GTF2IRD1: variants seen among roughly 807,000 people sequenced by gnomAD.
The protein encoded by GTF2IRD1 is general transcription factor II-I repeat domain-containing protein 1.
GTF2IRD1 carries 26 observed loss-of-function variants against 113.2 expected under a neutral mutation model. That is an observed-to-expected ratio of 0.23 (90% confidence interval 0.17 to 0.32). The LOEUF is 0.32. Ranked by LOEUF, GTF2IRD1 falls within the 10% of genes least tolerant of loss-of-function variation. The probability of loss-of-function intolerance (pLI) is 1.00; values close to 1 mark genes in which losing one functional copy is unlikely to be tolerated. For synonymous variants in GTF2IRD1, 484 were observed against 529.1 expected (o/e 0.91, Z 1.17); for missense variants, 864 against 1,280.8 (o/e 0.67, Z 4.97).
chr7:74,593,196 C>A (rs1273210621), intron 24 of GTF2IRD1, among the ~76,000 whole-genome samples: 1 of 147,986 alleles, frequency 6.8e-6, no homozygotes, highest in Non-Finnish European at 1.5e-5. Flanking sequence ...TTGCGTGTGT[C>A]AAAAAAAAAC....
At position 74,536,212 on chromosome 7, in the gene GTF2IRD1, C is replaced by A. The variant is rs782532731; in HGVS notation, c.1346C>A (p.Pro449Gln). ...ACCACGAAGCTGGAGCCAGCCAGCC[C>A]GCCAGAGGACACCTCTGCAGAGGTC... ...KDTTKLEPASPPEDTSAEVSR... is the reference protein window; with the variant it reads ...KDTTKLEPASQPEDTSAEVSR... The change falls in exon 11 of 27, where the codon CCG becomes CAG. Residue 449 changes from proline to glutamine, a missense_variant. This residue lies in a region of GTF2IRD1 where 218 missense variants were observed against 352.6 expected (regional missense o/e 0.62). Coordinates refer to ENST00000424337, the MANE Select transcript of GTF2IRD1 (RefSeq NM_005685.4). The A allele has an allele frequency of 4.3e-6, 7 of 1,613,748 alleles. No individual in the cohort carries two copies. In the Admixed American group the frequency reaches 1.2e-4, roughly 27 times the overall value.
chr7:74,524,071 A>C lies in GTF2IRD1; in HGVS notation c.1007A>C (p.Glu336Ala). 1.2e-6 allele frequency: 2 copies of C among 1,608,608 alleles called. No individual in the cohort carries two copies. The highest frequency in any genetic ancestry group is 2.7e-5 in the African/African-American group (2 of 74,902). Residue 336 changes from glutamate to alanine, a missense_variant and splice_region_variant, in exon 8 of 27, where the codon GAG (glutamate) becomes GCG (alanine). Glu to Ala is a moderately radical substitution (Grantham distance 107). Coordinates refer to ENST00000424337, the MANE Select transcript of GTF2IRD1 (RefSeq NM_005685.4). ...ACTTGTGCCTCCTGTGTTTTGATAG[A>C]GAAGTGGGACGCCTTCATAAAGGAA... Reference protein sequence around the residue: ...ILFSIVHDKSEKWDAFIKETE... With the variant: ...ILFSIVHDKSAKWDAFIKETE...
intron 25 of GTF2IRD1, among the ~76,000 whole-genome samples, chr7:74,600,664 T>G (rs1044795580): frequency 1.3e-5 from 2 of 152,020 alleles, no homozygotes; most frequent in Admixed American, 1.3e-4. Flanking sequence ...TGAGCCAAGA[T>G]CGCGCCACTG....
At chr7:74,473,752 A>G (rs1222731655) in intron 1 of GTF2IRD1, among the ~76,000 whole-genome samples, 1 of 151,958 alleles carries the variant, frequency 6.6e-6, no homozygotes, top group African/African-American at 2.4e-5. Context: ...CCCACCCACC[A>G]TCCTGGACAG....
rs529723061 is a variant in GTF2IRD1 at position 74,513,066 on chromosome 7, G to T, written c.265+95G>T. On this transcript the variant is annotated intron_variant, in intron 3 of 26. Transcript: ENST00000424337. ...GGGTCCCCAACCCTGTCTAGCCAGG[G>T]TGGCGGTGTGTGGGGAGTGAACCTA... 10 of 1,205,420 alleles carry T rather than the reference G, an allele frequency of 8.3e-6. No homozygotes were observed. The highest frequency in any genetic ancestry group is 4.0e-5 in the Admixed American group (2 of 49,586). The allele number at this position is 1,205,420 out of a possible 1,614,324, so 74.7% of individuals were successfully genotyped here.
In GTF2IRD1 at chr7:74,562,653, C is replaced by T. The variant is rs1473391329; in HGVS notation, c.2320+2998C>T. On this transcript the variant is annotated intron_variant, in intron 22 of 26. Coordinates refer to ENST00000424337, the MANE Select transcript of GTF2IRD1 (RefSeq NM_005685.4). ...TGTGATCCTGGTTCACTGTAACCTC[C>T]GCCTCCCAGGTTCAAATGATTCTCC... is the stretch of plus-strand genomic sequence containing the variant. Among the ~76,000 whole-genome samples the T allele has an allele frequency of 4.1e-5, 6 of 145,166 alleles. No homozygotes were observed. In the East Asian group the frequency reaches 6.1e-4, roughly 15 times the overall value.
At chr7:74,547,331 A>T in intron 17 of GTF2IRD1, 45 bp downstream of exon 17, 4 of 1,464,054 alleles carry the variant, frequency 2.7e-6, no homozygotes, top group African/African-American at 1.4e-5. Flanking sequence ...GGCCCTGCTC[A>T]GCACCAAGGG....
intron 19 of GTF2IRD1, among the ~76,000 whole-genome samples, chr7:74,556,029 C>T (rs1799571792): frequency 1.3e-5 from 2 of 152,080 alleles, no homozygotes; most frequent in Admixed American, 6.6e-5. Context: ...GCAGGTGGAT[C>T]ACTTGAGGCC....
At chr7:74,454,259 CGG>C (rs553988465) in intron 1 of GTF2IRD1, 83 bp downstream of exon 1, 45,234 of 133,896 alleles carry the variant, frequency 0.34, 8,048 homozygotes, top group Middle Eastern at 0.45. Context: ...CCTCCGCCTC[CGG>C]GGGGGGGGGT....
intron 22 of GTF2IRD1, among the ~76,000 whole-genome samples, chr7:74,578,724 G>A (rs1417713728): frequency 6.6e-6 from 1 of 152,118 alleles, no homozygotes; most frequent in African/African-American, 2.4e-5. Flanking sequence ...AGCCGGGCAC[G>A]ATGGCTCATG....
rs1554343243 is a variant in GTF2IRD1 at position 74,512,539 on chromosome 7, A to C, written c.124-291A>C. Among the ~76,000 whole-genome samples, 2 of 152,104 alleles carry C rather than the reference A, an allele frequency of 1.3e-5. No homozygotes were observed. Among genetic ancestry groups the C allele is most frequent in the African/African-American group, 2.4e-5 (1 of 41,426 alleles). On this transcript the variant is annotated intron_variant, in intron 2 of 26. Transcript: ENST00000424337. This position sits in a 1 kb window ranked among gnomAD's most constrained non-coding sequence, Gnocchi z 4.4. Reference sequence around the variant, plus strand: ...AGGGGCCAAGAAAACCCAGCACGGCATTGTCCCTGGGGCTGGGGCTAAGGG... The same window carrying C: ...AGGGGCCAAGAAAACCCAGCACGGCCTTGTCCCTGGGGCTGGGGCTAAGGG...
intron 1 of GTF2IRD1, among the ~76,000 whole-genome samples, 162 bp downstream of exon 1, chr7:74,454,338 C>A (rs1451514101): frequency 6.9e-5 from 10 of 145,584 alleles, no homozygotes; most frequent in Admixed American, 2.7e-4. Flanking sequence ...CGGGGAGGCA[C>A]GTGACTGGGA....
chr7:74,593,170 A>T (rs1554370452), intron 24 of GTF2IRD1, among the ~76,000 whole-genome samples: 2 of 151,488 alleles, frequency 1.3e-5, no homozygotes, highest in South Asian at 2.1e-4. Context: ...ATGTTTTTTT[A>T]AAATTACGAT....
At chr7:74,537,476 A>T (rs1562847975) in intron 11 of GTF2IRD1, among the ~76,000 whole-genome samples, 1 of 151,832 alleles carries the variant, frequency 6.6e-6, no homozygotes, top group East Asian at 1.9e-4. Flanking sequence ...ATACATACCT[A>T]CTACATGCAT....
chr7:74,469,326 GT>G (rs1267862995), intron 1 of GTF2IRD1, among the ~76,000 whole-genome samples: 1 of 151,492 alleles, frequency 6.6e-6, no homozygotes, highest in African/African-American at 2.4e-5. Flanking sequence ...ATAATTCAGT[GT>G]TTTTTTTAAA....
chr7:74,598,620 A>C (rs1226954584), intron 25 of GTF2IRD1, among the ~76,000 whole-genome samples: 3 of 152,016 alleles, frequency 2.0e-5, no homozygotes, highest in Non-Finnish European at 2.9e-5. Context: ...TGTCTCAAAA[A>C]AAAACAAAAC....
chr7:74,456,852 G>A (rs553016827), intron 1 of GTF2IRD1, among the ~76,000 whole-genome samples: 85 of 152,154 alleles, frequency 5.6e-4, no homozygotes, highest in Non-Finnish European at 1.1e-3. Flanking sequence ...GGCTAGGGTA[G>A]GGGGTCAGGA....
intron 24 of GTF2IRD1, among the ~76,000 whole-genome samples, chr7:74,594,065 G>T (rs1802249560): frequency 6.6e-6 from 1 of 152,010 alleles, no homozygotes. Flanking sequence ...CGGGCATGGT[G>T]GTACACGCCT....
rs1554341902 is a variant in GTF2IRD1 at position 74,508,727 on chromosome 7, C to G, written c.123+524C>G. On this transcript the variant is annotated intron_variant, in intron 2 of 26. Coordinates refer to ENST00000424337, the MANE Select transcript of GTF2IRD1 (RefSeq NM_005685.4). ...AAAAAAAATCTAGCCCTGGAATAAA[C>G]ACTGGCTCTCCGCCCTCGTCCCCTT... Among the ~76,000 whole-genome samples the G allele has an allele frequency of 1.3e-5, 2 of 150,418 alleles. 1 individual carries two copies. The highest frequency in any genetic ancestry group is 4.2e-4 in the South Asian group (2 of 4,742).
Sources: allele counts gnomAD v4.1 joint callset (sites outside exome capture counted in the v4.1 genomes callset), GRCh38; gene constraint gnomAD v4.1.1; regional missense constraint gnomAD v4.1.1; non-coding constraint Gnocchi (gnomAD v3.1); transcripts MANE v1.5; gene names NCBI Gene and HGNC (gene_info 2026-07-23, HGNC 2026-07-21).